Variants in STAT2 observed in about 807,000 individuals in gnomAD.
STAT2 encodes interferon alpha induced transcriptional activator.
A neutral mutation model predicts 122.3 loss-of-function variants in STAT2; 51 were observed. The observed-to-expected ratio is 0.42, with a 90% CI of 0.33 to 0.53. STAT2 has a LOEUF of 0.53. Among genes scored for constraint, STAT2 ranks in the 20% least tolerant of loss-of-function variants. STAT2 has a pLI of 0.10. For synonymous variants in STAT2, 351 were observed against 394.9 expected (o/e 0.89, Z 1.32); for missense variants, 736 against 1,010.3 (o/e 0.73, Z 3.68).
Position 56,354,450 on chromosome 12 carries a change from G to A in STAT2, c.782+16C>T. On this transcript the variant is annotated intron_variant, in intron 8 of 23. Coordinates refer to ENST00000314128, the MANE Select transcript of STAT2 (RefSeq NM_005419.4). ...CAGCGCATGGCGAGGACGAGGGTTG[G>A]GGTGGTACCTCTCACCATGTCTCCA... The A allele has an allele frequency of 6.2e-7, 1 of 1,613,990 alleles. No individual in the cohort carries two copies. Among genetic ancestry groups the A allele is most frequent in the Non-Finnish European group, 8.5e-7 (1 of 1,179,994 alleles).
chr12:56,346,842 G>A lies in STAT2; in HGVS notation c.1838C>T (p.Ser613Phe), dbSNP rs141279456. 3 of 1,614,166 alleles carry A rather than the reference G, an allele frequency of 1.9e-6. No individual in the cohort carries two copies. Among genetic ancestry groups the A allele is most frequent in the African/African-American group, 1.3e-5 (1 of 75,038 alleles). Residue 613 changes from serine (S) to phenylalanine (F), a missense_variant, in exon 20 of 24, where the codon TCC (serine) becomes TTC (phenylalanine). Ser to Phe is a radical substitution (Grantham distance 155). Coordinates refer to ENST00000314128, the MANE Select transcript of STAT2 (RefSeq NM_005419.4). ...SESSEGGITC[S>F]WVEHQDDDKV... ...ACCATCATCCTGGTGCTCCACCCAG[G>A]AGCAGGTAATGCCCCCTTCTGACGA...
Position 56,343,488 on chromosome 12 carries a change from A to C in STAT2, c.2457T>G (p.Gly819=). 2 of 1,614,178 alleles carry C rather than the reference A, an allele frequency of 1.2e-6. No individual in the cohort carries two copies. Among genetic ancestry groups the C allele is most frequent in the Non-Finnish European group, 1.7e-6 (2 of 1,180,024 alleles). ...CVKIEEIMPN[G]DPLLAGQNTV... is the part of the protein sequence containing the mutation. ...TGTTCTGGCCAGCCAACAGTGGGTC[A>C]CCATTCGGCATGATTTCTTCAATCT... Residue 819 remains glycine (G), a synonymous_variant, in exon 24 of 24, where the codon GGT becomes GGG. Transcript: ENST00000314128.
intron 6 of STAT2, 155 bp downstream of exon 6, chr12:56,355,121 A>G: frequency 1.1e-6 from 1 of 891,380 alleles, no homozygotes; most frequent in Non-Finnish European, 1.7e-6. Context: ...CTCAGCCTCC[A>G]CAAAGCACTT....
At chr12:56,348,828 A>T (rs758425711) in intron 17 of STAT2, 24 bp from the exon 18 acceptor site, 6 of 1,614,100 alleles carry the variant, frequency 3.7e-6, no homozygotes, top group Non-Finnish European at 4.2e-6. Context: ...AGCCACAGAC[A>T]GATGATGAGG....
intron 13 of STAT2, 102 bp downstream of exon 13, chr12:56,349,995 G>T: frequency 9.3e-7 from 1 of 1,073,044 alleles, no homozygotes; most frequent in South Asian, 1.4e-5. Context: ...GTTGCTGTGA[G>T]CCAAGATGGC....
intron 1 of STAT2, among the ~76,000 whole-genome samples, chr12:56,359,500 A>G (rs890333637): frequency 2.0e-5 from 3 of 147,574 alleles, no homozygotes; most frequent in Non-Finnish European, 4.6e-5. Context: ...TTCAAATATG[A>G]AAACAAAACA....
At position 56,354,501 on chromosome 12, in the gene STAT2, A is replaced by G; in HGVS notation, c.747T>C (p.Ala249=). The change falls in exon 8 of 24, where the codon GCT becomes GCC. Residue 249 remains alanine (A), a synonymous_variant. Coordinates refer to ENST00000314128, the MANE Select transcript of STAT2 (RefSeq NM_005419.4). The part of the protein sequence containing the change: ...KAQQQKACIR[A]PIDHGLEQLE... ...GCTGTTCCAACCCGTGGTCAATGGG[A>G]GCTCTGATGCAGGCTTTTTGCTGCT... 3.1e-6 allele frequency: 5 copies of G among 1,614,134 alleles called. No homozygotes were observed. The highest frequency in any genetic ancestry group is 4.2e-6 in the Non-Finnish European group (5 of 1,180,032).
At chr12:56,349,102 A>G (rs375314576) in intron 16 of STAT2, 43 bp from the exon 17 acceptor site, 16 of 1,613,706 alleles carry the variant, frequency 9.9e-6, no homozygotes, top group African/African-American at 1.3e-5. Flanking sequence ...GAAGCAACCT[A>G]TCACACCAAG....
chr12:56,345,524 A>AAAAAATATATATATATATATATAT (rs1555169410), intron 22 of STAT2, among the ~76,000 whole-genome samples: 4 of 26,236 alleles, frequency 1.5e-4, no homozygotes, highest in East Asian at 2.3e-3. Flanking sequence ...AAAAAAAAAA[A>AAAAAATATATATATATATATATAT]ATATATATAT....
intron 16 of STAT2, 42 bp downstream of exon 16, chr12:56,349,121 C>G (rs767648152): frequency 1.9e-6 from 3 of 1,613,998 alleles, no homozygotes; most frequent in African/African-American, 1.3e-5. Context: ...AGCTTCCACA[C>G]CCCTCCTCTC....
At chr12:56,354,016 A>AAAAAAAAAAAAATATAT (rs71081350) in intron 8 of STAT2, among the ~76,000 whole-genome samples, 1 of 16,676 alleles carries the variant, frequency 6.0e-5, no homozygotes, top group African/African-American at 1.1e-4. Context: ...AAAAAAAAAA[A>AAAAAAAAAAAAATATAT]ATATATATAT....
rs1877898898 is a variant in STAT2, at chr12:56,348,531, A to T, written c.1722T>A (p.Asp574Glu). The T allele has an allele frequency of 6.2e-7, 1 of 1,614,050 alleles. No individual in the cohort carries two copies. The highest frequency in any genetic ancestry group is 8.5e-7 in the Non-Finnish European group (1 of 1,180,004). Residue 574 changes from aspartate to glutamate, a missense_variant and splice_region_variant, in exon 19 of 24, where the codon GAT (aspartate) becomes GAA (glutamate). Physicochemically the swap from Asp to Glu is conservative, Grantham distance 45. Transcript: ENST00000314128. Reference sequence around the variant, plus strand: ...GGGAAGGGTGACCAAGGCCTTACCCATCATTCCAGAGATCCTTCAGGTGGT... The same window carrying T: ...GGGAAGGGTGACCAAGGCCTTACCCTTCATTCCAGAGATCCTTCAGGTGGT... ...VHDHLKDLWN[D>E]GRIMGFVSRS...
rs200606416 is a variant in STAT2, at chr12:56,346,486, C to T, written c.2000G>A (p.Arg667Gln). ...PENPLRFLYP[R>Q]IPRDEAFGCY... Reference sequence around the variant, plus strand: ...CCCAAAAGCTTCATCCCGGGGGATTCGGGGATAGAGGAAGCGCAGTGGGTT... The same window carrying T: ...CCCAAAAGCTTCATCCCGGGGGATTTGGGGATAGAGGAAGCGCAGTGGGTT... The change falls in exon 21 of 24, where the codon CGA becomes CAA. Residue 667 changes from arginine (R) to glutamine (Q), a missense_variant. Transcript: ENST00000314128. The T allele has an allele frequency of 4.6e-5, 74 of 1,614,154 alleles. No homozygotes were observed. The highest frequency in any genetic ancestry group is 2.0e-4 in the Admixed American group (12 of 60,006).
At chr12:56,345,511 A>AT (rs1317267186) in intron 22 of STAT2, among the ~76,000 whole-genome samples, 15 of 93,446 alleles carry the variant, frequency 1.6e-4, no homozygotes, top group Non-Finnish European at 2.9e-4. Flanking sequence ...AAAAAAAAAA[A>AT]AAAAAAAAAA....
At chr12:56,349,824 G>A (rs1037288607) in intron 13 of STAT2, 188 bp from the exon 14 acceptor site, 7 of 758,402 alleles carry the variant, frequency 9.2e-6, no homozygotes, top group Non-Finnish European at 1.3e-5. Context: ...TGAGGCGGGT[G>A]GATCACCTGA....
rs1388461421 is a variant in STAT2 at position 56,355,486 on chromosome 12, T to C, written c.428A>G (p.His143Arg). Reference protein sequence around the residue: ...VLETPVESQQHEIESRILDLR... With the variant: ...VLETPVESQQREIESRILDLR... ...ATCCAGGATCCGGGATTCAATCTCA[T>C]GTTGCTGGCTCTCCACAGGTGTTTC... Residue 143 changes from histidine to arginine, a missense_variant, in exon 5 of 24, where the codon CAT becomes CGT. Coordinates refer to ENST00000314128, the MANE Select transcript of STAT2 (RefSeq NM_005419.4). 1.9e-6 allele frequency: 3 copies of C among 1,614,218 alleles called. No individual in the cohort carries two copies. The highest frequency in any genetic ancestry group is 1.1e-5 in the South Asian group (1 of 91,086).
chr12:56,356,634 A>G (rs1879554532), intron 1 of STAT2, 56 bp from the exon 2 acceptor site: 1 of 1,592,954 alleles, frequency 6.3e-7, no homozygotes, highest in Non-Finnish European at 8.5e-7. Flanking sequence ...TAAATCATCC[A>G]TAGTTTCATG....
In STAT2 at chr12:56,349,622, T is replaced by C. The variant is rs374293376; in HGVS notation, c.1224A>G (p.Gln408=). 6 of 1,614,068 alleles carry C rather than the reference T, an allele frequency of 3.7e-6. No individual in the cohort carries two copies. The African/African-American group carries it at 8.0e-5, about 22-fold the overall frequency. ...WDFGYLTLVE[Q]RSGGSGKGSN... is the part of the protein sequence containing the mutation. The stretch of plus-strand genomic sequence containing the variant: ...TGCCCTTTCCTGAACCACCTGAACG[T>C]TGCTCCACCAGAGTCTGTGAATTGA... Residue 408 remains glutamine, a synonymous_variant, in exon 14 of 24, where the codon CAA becomes CAG. Coordinates refer to ENST00000314128, the MANE Select transcript of STAT2 (RefSeq NM_005419.4).
chr12:56,344,267 C>T (rs1877018578), intron 22 of STAT2, 132 bp from the exon 23 acceptor site: 4 of 1,322,838 alleles, frequency 3.0e-6, no homozygotes, highest in African/African-American at 1.5e-5. Flanking sequence ...TGGAATCAGG[C>T]CTCCTGGAGT....
Sources: gnomAD v4.1 joint callset for allele counts (sites outside exome capture counted in the v4.1 genomes callset) on GRCh38, gnomAD v4.1.1 for gene constraint, MANE v1.5 for transcripts, NCBI Gene and HGNC (gene_info 2026-07-23, HGNC 2026-07-21) for gene names.